Variants in GNG7 observed in about 807,000 individuals in gnomAD.
The protein encoded by GNG7 is guanine nucleotide-binding protein G(I)/G(S)/G(O) subunit gamma-7.
GNG7 carries 1 observed loss-of-function variant against 4.0 expected under a neutral mutation model. That is an observed-to-expected ratio of 0.25 (90% confidence interval 0.09 to 1.18). The LOEUF (loss-of-function observed/expected upper bound fraction) is 1.18, where lower values mean the gene tolerates loss of function less well. Ranked by LOEUF, GNG7 falls within the 50% of genes most tolerant of loss-of-function variation. The pLI is 0.50. For missense variants in GNG7, 86 were observed against 91.9 expected (o/e 0.94, Z 0.26); for synonymous variants, 34 against 36.9 (o/e 0.92, Z 0.29).
intron 2 of GNG7, among the ~76,000 whole-genome samples, chr19:2,602,359 C>G (rs1376025608): frequency 1.3e-5 from 2 of 152,162 alleles, no homozygotes; most frequent in African/African-American, 2.4e-5. Context: ...GAAAAAGCAG[C>G]ACTGAGGACT....
chr19:2,569,136 C>T (rs1041254968), intron 2 of GNG7, among the ~76,000 whole-genome samples: 3 of 152,002 alleles, frequency 2.0e-5, no homozygotes, highest in African/African-American at 7.3e-5. Flanking sequence ...CAGGTGCGCG[C>T]ACACACACAC....
At chr19:2,570,144 C>A (rs117337522) in intron 2 of GNG7, among the ~76,000 whole-genome samples, 1 of 151,954 alleles carries the variant, frequency 6.6e-6, no homozygotes, top group South Asian at 2.1e-4. Context: ...TTAAAAAAAG[C>A]CTGGCACCTC....
intron 2 of GNG7, among the ~76,000 whole-genome samples, chr19:2,565,708 C>T (rs988159813): frequency 2.6e-5 from 4 of 152,102 alleles, no homozygotes; most frequent in South Asian, 4.1e-4. Context: ...TGGGGTGTGC[C>T]GGGCACAGGG....
At chr19:2,636,977 C>CGTCCCCACCTGCACCTCT (rs1040932992) in intron 2 of GNG7, among the ~76,000 whole-genome samples, 3 of 151,700 alleles carry the variant, frequency 2.0e-5, no homozygotes, top group Non-Finnish European at 4.4e-5. Flanking sequence ...CCTGCACTTC[C>CGTCCCCACCTGCACCTCT]GTCCCCACCT....
At chr19:2,683,906 C>CATCGGCCAGA (rs1983805557) in intron 1 of GNG7, among the ~76,000 whole-genome samples, 2 of 152,288 alleles carry the variant, frequency 1.3e-5, no homozygotes, top group South Asian at 4.1e-4. Flanking sequence ...TGGTGGACAG[C>CATCGGCCAGA]ATCGGCCAGA....
rs1354039157 is a variant in GNG7, at chr19:2,557,477, C to T, written c.-77-2289G>A. Among the ~76,000 whole-genome samples the T allele has an allele frequency of 1.3e-5, 2 of 152,222 alleles. No individual in the cohort carries two copies. The highest frequency in any genetic ancestry group is 2.9e-5 in the Non-Finnish European group (2 of 68,040). On this transcript the variant is annotated intron_variant, in intron 2 of 4. Transcript: ENST00000382159. This position sits in a 1 kb window ranked among gnomAD's most constrained non-coding sequence, Gnocchi z 5.1. Reference sequence around the variant, plus strand: ...ACTCAAGAAACGAGGGGCTGCAGGACTTTTCCTCCTCCTGCCCAAAGGCAC... The same window carrying T: ...ACTCAAGAAACGAGGGGCTGCAGGATTTTTCCTCCTCCTGCCCAAAGGCAC...
intron 3 of GNG7, among the ~76,000 whole-genome samples, chr19:2,525,912 C>T (rs1978376821): frequency 6.6e-6 from 1 of 150,586 alleles, no homozygotes; most frequent in Non-Finnish European, 1.5e-5. Flanking sequence ...CGGGTTCAAG[C>T]GATTCTCTTG....
chr19:2,639,398 G>A (rs992489558), intron 2 of GNG7, among the ~76,000 whole-genome samples: 2 of 151,948 alleles, frequency 1.3e-5, no homozygotes, highest in Non-Finnish European at 2.9e-5. Flanking sequence ...CAGCCTGGCA[G>A]CCCACAGAAG....
At chr19:2,585,936 G>A (rs943322965) in intron 2 of GNG7, among the ~76,000 whole-genome samples, 5 of 152,130 alleles carry the variant, frequency 3.3e-5, no homozygotes, top group East Asian at 1.9e-4. Flanking sequence ...TCTTGACCTC[G>A]TGATCCACCC....
chr19:2,565,336 C>G (rs1389327551), intron 2 of GNG7, among the ~76,000 whole-genome samples: 1 of 151,960 alleles, frequency 6.6e-6, no homozygotes, highest in Non-Finnish European at 1.5e-5. Context: ...ATGGTGAAAC[C>G]CCGTCTCTAC....
chr19:2,646,640 G>A (rs1353806664), intron 1 of GNG7, among the ~76,000 whole-genome samples: 2 of 151,360 alleles, frequency 1.3e-5, no homozygotes, highest in East Asian at 1.9e-4. Context: ...AGCTGAGATC[G>A]AGCCACTGTC....
At chr19:2,572,446 T>G (rs1980176013) in intron 2 of GNG7, among the ~76,000 whole-genome samples, 1 of 151,424 alleles carries the variant, frequency 6.6e-6, no homozygotes, top group Non-Finnish European at 1.5e-5. Flanking sequence ...TCTTTTCTTT[T>G]TTTTGAGACG....
chr19:2,612,198 G>A (rs1260816274), intron 2 of GNG7, among the ~76,000 whole-genome samples: 2 of 152,012 alleles, frequency 1.3e-5, no homozygotes, highest in African/African-American at 2.4e-5. Flanking sequence ...TTTAATAATT[G>A]GATTGACTTT....
At chr19:2,537,109 G>A (rs1978766433) in intron 3 of GNG7, among the ~76,000 whole-genome samples, 1 of 151,754 alleles carries the variant, frequency 6.6e-6, no homozygotes, top group Non-Finnish European at 1.5e-5. Context: ...ACCGCGCCCG[G>A]CTAATTTTTT....
At chr19:2,548,326 A>T (rs928048446) in intron 3 of GNG7, among the ~76,000 whole-genome samples, 3 of 150,926 alleles carry the variant, frequency 2.0e-5, no homozygotes, top group Non-Finnish European at 4.4e-5. Context: ...TAAAATACAA[A>T]AGAAATTTGC....
At chr19:2,679,529 T>C (rs1983677916) in intron 1 of GNG7, among the ~76,000 whole-genome samples, 1 of 152,174 alleles carries the variant, frequency 6.6e-6, no homozygotes, top group Non-Finnish European at 1.5e-5. Flanking sequence ...AAAGGTTCCA[T>C]GTTTTCTTCA....
At chr19:2,631,853 C>T (rs1316048530) in intron 2 of GNG7, 1 of 152,224 alleles carries the variant, frequency 6.6e-6, no homozygotes, top group Non-Finnish European at 1.5e-5. Context: ...CAGTTTTTTC[C>T]TTCTTTTGCT....
intron 2 of GNG7, among the ~76,000 whole-genome samples, chr19:2,619,617 A>G (rs1188030484): frequency 6.6e-6 from 1 of 152,206 alleles, no homozygotes; most frequent in African/African-American, 2.4e-5. Flanking sequence ...TGCCGGCCAC[A>G]GTGTGGATGG....
At chr19:2,520,587 C>G in intron 4 of GNG7, 21 bp downstream of exon 4, 1 of 1,452,538 alleles carries the variant, frequency 6.9e-7, no homozygotes, top group Non-Finnish European at 9.5e-7. Context: ...CCCTCCTCTT[C>G]CTGATGCCCG....
Sources: allele counts gnomAD v4.1 joint callset (sites outside exome capture counted in the v4.1 genomes callset), GRCh38; gene constraint gnomAD v4.1.1; non-coding constraint Gnocchi (gnomAD v3.1); transcripts MANE v1.5; gene names NCBI Gene and HGNC (gene_info 2026-07-23, HGNC 2026-07-21).